Variants in NAALAD2 observed in about 807,000 individuals in gnomAD.
The protein encoded by NAALAD2 is N-acetylated-alpha-linked acidic dipeptidase 2.
A neutral mutation model predicts 95.6 loss-of-function variants in NAALAD2; 89 were observed. The observed-to-expected ratio is 0.93, with a 90% CI of 0.78 to 1.11. The LOEUF (loss-of-function observed/expected upper bound fraction) is 1.11, where lower values mean the gene tolerates loss of function less well. Among genes scored for constraint, NAALAD2 ranks in the 50% least tolerant of loss-of-function variants. The probability of loss-of-function intolerance (pLI) is 0.00; values close to 1 mark genes in which losing one functional copy is unlikely to be tolerated. For missense variants in NAALAD2, 894 were observed against 872.4 expected (o/e 1.02, Z -0.31); for synonymous variants, 264 against 294.4 (o/e 0.90, Z 1.06).
intron 4 of NAALAD2, among the ~76,000 whole-genome samples, chr11:90,150,201 G>A (rs1432229998): frequency 6.6e-6 from 1 of 151,868 alleles, no homozygotes; most frequent in Non-Finnish European, 1.5e-5. Context: ...GTTGCAGTGA[G>A]CCGAGGGAGT....
chr11:90,157,618 C>A (rs1952154300), intron 6 of NAALAD2, among the ~76,000 whole-genome samples: 1 of 151,858 alleles, frequency 6.6e-6, no homozygotes, highest in African/African-American at 2.4e-5. Flanking sequence ...TGTGAAATGT[C>A]AAAACAAATT....
intron 17 of NAALAD2, among the ~76,000 whole-genome samples, chr11:90,181,994 A>T (rs1390590433): frequency 2.6e-5 from 4 of 151,930 alleles, no homozygotes; most frequent in African/African-American, 9.7e-5. Flanking sequence ...TGGTAGACTA[A>T]AAACTCATCC....
chr11:90,169,555 C>G (rs1952573949), intron 12 of NAALAD2: 1 of 153,540 alleles, frequency 6.5e-6, no homozygotes, highest in Non-Finnish European at 1.4e-5. Context: ...TCTGGATTGT[C>G]TACGCCAACA....
At chr11:90,135,009 G>A (rs1431627194) in intron 1 of NAALAD2, 169 bp downstream of exon 1, 5 of 650,708 alleles carry the variant, frequency 7.7e-6, no homozygotes, top group Non-Finnish European at 1.3e-5. Flanking sequence ...CAGATGGAAT[G>A]TATTTTGGGC....
rs549562755 is a variant in NAALAD2, at chr11:90,155,655, GTATGTAT to G, written c.797-2486_797-2480del. On this transcript the variant is annotated intron_variant, in intron 6 of 18. Transcript: ENST00000534061. ...TAATATATATATAATTATTACATAT[GTATGTAT>G]TATTATTGTATGTATGTAATACATA... Among the ~76,000 whole-genome samples the G allele has an allele frequency of 4.7e-3, 275 of 58,112 alleles. 14 individuals carry two copies. Among genetic ancestry groups the G allele is most frequent in the African/African-American group, 0.024 (228 of 9,510 alleles). 38.1% of individuals were successfully genotyped at this position (58,112 alleles called of 152,430 possible).
chr11:90,170,163 G>C, intron 13 of NAALAD2, 27 bp downstream of exon 13: 1 of 1,351,316 alleles, frequency 7.4e-7, no homozygotes, highest in Admixed American at 1.7e-5. Flanking sequence ...GTCTTCATAT[G>C]TTCTCTTTTG....
chr11:90,178,489 G>A (rs1011011116), intron 16 of NAALAD2, among the ~76,000 whole-genome samples: 10 of 152,044 alleles, frequency 6.6e-5, no homozygotes, highest in African/African-American at 2.4e-4. Flanking sequence ...GGCTATTATG[G>A]TGAAACCGCG....
rs574841140 is a variant in NAALAD2, at chr11:90,174,538, T to A, written c.1502+623T>A. 4.3e-4 allele frequency among the ~76,000 whole-genome samples: 66 copies of A among 152,234 alleles called. 2 individuals carry two copies. In the Middle Eastern group the frequency reaches 0.01, roughly 24 times the overall value. ...GTATTAGGTGTATTAATATATAATA[T>A]AACTTCAGATGATAATGATGAAAAG... On this transcript the variant is annotated intron_variant, in intron 14 of 18. Transcript: ENST00000534061.
At chr11:90,178,363 A>G (rs1210783778) in intron 16 of NAALAD2, among the ~76,000 whole-genome samples, 2 of 152,152 alleles carry the variant, frequency 1.3e-5, no homozygotes, top group East Asian at 1.9e-4. Flanking sequence ...TTTTTCTTGT[A>G]TTATGGCCTT....
intron 11 of NAALAD2, among the ~76,000 whole-genome samples, chr11:90,167,197 A>C (rs1952484391): frequency 6.6e-6 from 1 of 151,994 alleles, no homozygotes; most frequent in Admixed American, 6.5e-5. Flanking sequence ...GGAGGGAAGG[A>C]GCGGGCGGGA....
At chr11:90,177,704 T>C (rs1673338185) in intron 15 of NAALAD2, 149 bp from the exon 16 acceptor site, 2 of 631,868 alleles carry the variant, frequency 3.2e-6, no homozygotes, top group Non-Finnish European at 4.8e-6. Context: ...CCACCTGCCT[T>C]GGCTTCCCAA....
At chr11:90,133,776 A>G (rs529760325), upstream of NAALAD2, among the ~76,000 whole-genome samples, 5 of 152,336 alleles carry the variant, frequency 3.3e-5, no homozygotes, top group Non-Finnish European at 7.4e-5. Context: ...GACAGACTGC[A>G]GTCCTTCTTC....
In NAALAD2 at chr11:90,163,234, T is replaced by C; in HGVS notation, c.1076-76T>C. On this transcript the variant is annotated intron_variant, in intron 9 of 18. Transcript: ENST00000534061. ...AGAGGAAACTCAAGCAAGAGGATGT[T>C]TATTTTAAAAACATAAATTACAAAT... is the stretch of plus-strand genomic sequence containing the variant. The C allele has an allele frequency of 6.8e-6, 10 of 1,477,378 alleles. 1 individual carries two copies. In the South Asian group the frequency reaches 1.3e-4, roughly 19 times the overall value. 91.5% of individuals were successfully genotyped at this position (1,477,378 alleles called of 1,614,324 possible). A position where few individuals can be genotyped will look rare whatever the true frequency, so the allele number is the denominator to read the frequency against.
intron 18 of NAALAD2, among the ~76,000 whole-genome samples, chr11:90,186,488 T>TAC (rs1364969468): frequency 5.9e-5 from 9 of 152,050 alleles, no homozygotes; most frequent in Non-Finnish European, 1.2e-4. Context: ...GCAATAAACA[T>TAC]GTGTGCATGT....
chr11:90,147,226 G>A (rs1256152023), intron 2 of NAALAD2, 104 bp from the exon 3 acceptor site: 1 of 888,098 alleles, frequency 1.1e-6, no homozygotes, highest in East Asian at 2.5e-5. Flanking sequence ...ATATAGGAAT[G>A]ACAACTTAAT....
At chr11:90,136,342 A>T (rs1951453629) in intron 2 of NAALAD2, among the ~76,000 whole-genome samples, 1 of 152,154 alleles carries the variant, frequency 6.6e-6, no homozygotes. Flanking sequence ...TAAAGCCTAC[A>T]ATTTGAGAGT....
In NAALAD2 at chr11:90,163,309, G is replaced by A; in HGVS notation, c.1076-1G>A. 1 of 1,611,734 alleles carries A rather than the reference G, an allele frequency of 6.2e-7. No individual in the cohort carries two copies. The highest frequency in any genetic ancestry group is 8.5e-7 in the Non-Finnish European group (1 of 1,179,004). On this transcript the variant is annotated splice_acceptor_variant, in intron 9 of 18. Coordinates refer to ENST00000534061, the MANE Select transcript of NAALAD2 (RefSeq NM_005467.4). LOFTEE classifies it high-confidence loss of function. ...GGTTTCTTGAACGTATTATTTTCCA[G>A]ACAGGTATGTTATTCTGGGAGGTCA... is the stretch of plus-strand genomic sequence containing the variant.
chr11:90,179,979 C>CT (rs1952913233), intron 16 of NAALAD2, among the ~76,000 whole-genome samples: 1 of 152,138 alleles, frequency 6.6e-6, no homozygotes, highest in Non-Finnish European at 1.5e-5. Flanking sequence ...ATGTGTCCCA[C>CT]TTTCTTCACA....
intron 7 of NAALAD2, 136 bp from the exon 8 acceptor site, chr11:90,159,103 T>G: frequency 1.4e-6 from 1 of 695,460 alleles, no homozygotes; most frequent in Non-Finnish European, 2.5e-6. Flanking sequence ...AAGGGCGGGC[T>G]TTTTGACAGT....
Sources: allele counts gnomAD v4.1 joint callset (sites outside exome capture counted in the v4.1 genomes callset), GRCh38; gene constraint gnomAD v4.1.1; transcripts MANE v1.5; gene names NCBI Gene and HGNC (gene_info 2026-07-23, HGNC 2026-07-21).